SYNPR: variants seen among roughly 807,000 people sequenced by gnomAD.
SYNPR encodes the protein synaptoporin.
SYNPR carries 23 observed loss-of-function variants against 32.9 expected under a neutral mutation model. The ratio of observed to expected loss-of-function variants is 0.70; its 90% CI spans 0.50 to 0.99. The LOEUF (loss-of-function observed/expected upper bound fraction) is 0.99, where lower values mean the gene tolerates loss of function less well. Ranked by LOEUF, SYNPR falls within the 50% of genes least tolerant of loss-of-function variation. SYNPR has a pLI of 0.00. For synonymous variants in SYNPR, 146 were observed against 135.9 expected (o/e 1.07, Z -0.52); for missense variants, 318 against 349.3 (o/e 0.91, Z 0.71).
intron 2 of SYNPR, among the ~76,000 whole-genome samples, chr3:63,333,994 G>T (rs2087258419): frequency 6.6e-6 from 1 of 152,192 alleles, no homozygotes; most frequent in Admixed American, 6.5e-5. Flanking sequence ...GTGACACCTG[G>T]TGGTGGACCA....
intron 3 of SYNPR, among the ~76,000 whole-genome samples, chr3:63,509,236 TATACACACAC>T (rs143710634): frequency 0.019 from 2,838 of 150,622 alleles, 97 homozygotes; most frequent in African/African-American, 0.066. Context: ...GGTATATCTA[TATACACACAC>T]ATACACACAC....
intron 2 of SYNPR, among the ~76,000 whole-genome samples, chr3:63,336,709 C>T (rs535346650): frequency 1.3e-4 from 20 of 151,866 alleles, no homozygotes; most frequent in Non-Finnish European, 2.4e-4. Context: ...TTATTAGATA[C>T]ATCACCAAAA....
intron 2 of SYNPR, among the ~76,000 whole-genome samples, chr3:63,328,770 A>C (rs1321798470): frequency 6.6e-6 from 1 of 152,162 alleles, no homozygotes; most frequent in Non-Finnish European, 1.5e-5. Context: ...ATGGCTAAAT[A>C]AACTTGCCAC....
chr3:63,503,302 C>T (rs1701518935), intron 3 of SYNPR, among the ~76,000 whole-genome samples: 2 of 151,860 alleles, frequency 1.3e-5, no homozygotes, highest in Admixed American at 1.3e-4. Context: ...CAGAATGTTT[C>T]CTTATTGTTG....
At chr3:63,371,218 A>G (rs2087808106) in intron 2 of SYNPR, among the ~76,000 whole-genome samples, 1 of 151,922 alleles carries the variant, frequency 6.6e-6, no homozygotes, top group African/African-American at 2.4e-5. Context: ...TGGGCTCAGG[A>G]GATCCCCCTG....
chr3:63,223,564 C>G (rs1228994856), upstream of SYNPR, among the ~76,000 whole-genome samples: 1 of 152,000 alleles, frequency 6.6e-6, no homozygotes, highest in East Asian at 1.9e-4. Flanking sequence ...GTTCTGCCCC[C>G]CATTTTTTCC....
chr3:63,414,820 G>A (rs1028943977), intron 2 of SYNPR, among the ~76,000 whole-genome samples: 1 of 152,164 alleles, frequency 6.6e-6, no homozygotes, highest in Non-Finnish European at 1.5e-5. Context: ...GTCAGCCAAT[G>A]TGTTTATGCT....
chr3:63,290,143 A>AAAATCAACC (rs1553864586), intron 2 of SYNPR, among the ~76,000 whole-genome samples: 1 of 149,752 alleles, frequency 6.7e-6, no homozygotes, highest in Non-Finnish European at 1.5e-5. Context: ...AAACAAAAAA[A>AAAATCAACC]CTCCTTTTCA....
intron 2 of SYNPR, among the ~76,000 whole-genome samples, chr3:63,452,600 T>C (rs1437455762): frequency 1.3e-5 from 2 of 152,116 alleles, no homozygotes; most frequent in East Asian, 3.9e-4. Context: ...CCAGGCACCA[T>C]GCTCTATACC....
At chr3:63,575,471 G>A (rs1702961239) in intron 4 of SYNPR, among the ~76,000 whole-genome samples, 1 of 152,230 alleles carries the variant, frequency 6.6e-6, no homozygotes, top group Non-Finnish European at 1.5e-5. Flanking sequence ...TCCCTGCTTA[G>A]GAACCAATTA....
intron 2 of SYNPR, among the ~76,000 whole-genome samples, chr3:63,384,498 CG>C (rs1257836538): frequency 6.6e-6 from 1 of 152,096 alleles, no homozygotes; most frequent in Non-Finnish European, 1.5e-5. Context: ...TTATCTCAAC[CG>C]GTCAGTCTCA....
chr3:63,518,255 C>T (rs1701836363), intron 3 of SYNPR, among the ~76,000 whole-genome samples: 1 of 152,102 alleles, frequency 6.6e-6, no homozygotes, highest in Non-Finnish European at 1.5e-5. Flanking sequence ...CATGCCTTCA[C>T]CCTTTGTTTA....
At chr3:63,516,681 G>A (rs1250225910) in intron 3 of SYNPR, among the ~76,000 whole-genome samples, 5 of 152,024 alleles carry the variant, frequency 3.3e-5, no homozygotes, top group Non-Finnish European at 5.9e-5. Context: ...CAAAGACTAC[G>A]GTCTTTCTTT....
the SYNPR span, among the ~76,000 whole-genome samples, chr3:63,218,635 G>A: frequency 2.4e-4 from 36 of 152,154 alleles, no homozygotes; most frequent in Admixed American, 6.6e-4. Context: ...TAAAGCTTCT[G>A]TCTCCTGACT....
rs537422828 is a variant in SYNPR, at chr3:63,462,597, A to C, written c.85-18235A>C. On this transcript the variant is annotated intron_variant, in intron 2 of 5. Coordinates refer to ENST00000478300, the MANE Select transcript of SYNPR (RefSeq NM_001130003.2). ...AGTTATACTTTATTCCCAGGACATG[A>C]GTACTAGCTTCCTAAAGTCATTGAT... 6.6e-5 allele frequency among the ~76,000 whole-genome samples: 10 copies of C among 152,280 alleles called. No homozygotes were observed. In the South Asian group the frequency reaches 8.3e-4, roughly 13 times the overall value.
chr3:63,423,930 G>C (rs1699846502), intron 2 of SYNPR, among the ~76,000 whole-genome samples: 1 of 152,164 alleles, frequency 6.6e-6, no homozygotes, highest in Non-Finnish European at 1.5e-5. Flanking sequence ...CAAAGTGAGA[G>C]ACATTCTATA....
chr3:63,454,836 A>G (rs1461719858), intron 2 of SYNPR, among the ~76,000 whole-genome samples: 1 of 152,130 alleles, frequency 6.6e-6, no homozygotes, highest in Non-Finnish European at 1.5e-5. Context: ...AACTATTACC[A>G]TTGCCTAAAT....
chr3:63,545,747 T>G (rs1283906225), intron 3 of SYNPR, among the ~76,000 whole-genome samples: 1 of 152,128 alleles, frequency 6.6e-6, no homozygotes, highest in Admixed American at 6.6e-5. Context: ...TGAAGAACCT[T>G]ACCTTTTCCT....
At chr3:63,586,426 T>C (rs1575724573) in intron 4 of SYNPR, among the ~76,000 whole-genome samples, 1 of 151,954 alleles carries the variant, frequency 6.6e-6, no homozygotes, top group East Asian at 1.9e-4. Flanking sequence ...ATTTAGTCAC[T>C]TAAAAAGTCA....
Sources: allele counts gnomAD v4.1 joint callset (sites outside exome capture counted in the v4.1 genomes callset), GRCh38; gene constraint gnomAD v4.1.1; transcripts MANE v1.5; gene names NCBI Gene and HGNC (gene_info 2026-07-23, HGNC 2026-07-21).